TMPRSS9: variants seen among roughly 807,000 people sequenced by gnomAD.
TMPRSS9 encodes the protein transmembrane serine protease 9.
A neutral mutation model predicts 111.4 loss-of-function variants in TMPRSS9; 113 were observed. That is an observed-to-expected ratio of 1.01 (90% CI 0.87 to 1.19). TMPRSS9 has a LOEUF of 1.19. Ranked by LOEUF, TMPRSS9 falls within the 50% of genes most tolerant of loss-of-function variation. The probability of loss-of-function intolerance (pLI) is 0.00; values close to 1 mark genes in which losing one functional copy is unlikely to be tolerated. For synonymous variants in TMPRSS9, 805 were observed against 659.1 expected (o/e 1.22, Z -3.39); for missense variants, 1,803 against 1,513.1 (o/e 1.19, Z -3.18).
chr19:2,396,903 A>T (rs1378965088), intron 2 of TMPRSS9, among the ~76,000 whole-genome samples: 1 of 150,674 alleles, frequency 6.6e-6, no homozygotes, highest in East Asian at 1.9e-4. Flanking sequence ...ACTTTAGGCC[A>T]CATTTAGAGG....
chr19:2,404,338 G>A (rs538833822), intron 6 of TMPRSS9, among the ~76,000 whole-genome samples: 3 of 152,150 alleles, frequency 2.0e-5, no homozygotes, highest in Admixed American at 2.0e-4. Flanking sequence ...AAGGAGAGAA[G>A]CTGAAAGAGT....
chr19:2,413,452 C>T (rs994707550), intron 9 of TMPRSS9, among the ~76,000 whole-genome samples: 1 of 152,160 alleles, frequency 6.6e-6, no homozygotes, highest in South Asian at 2.1e-4. Context: ...ACGTTTTGGC[C>T]TGCCAGAGGT....
chr19:2,408,414 G>A (rs1382008974), exon 8 of TMPRSS9: 3 of 1,613,814 alleles, frequency 1.9e-6, no homozygotes, highest in South Asian at 2.2e-5. Flanking sequence ...CAGCGGCTCG[G>A]AGGCCAGCAC....
chr19:2,384,843 G>A (rs1297711594), upstream of TMPRSS9, among the ~76,000 whole-genome samples: 2 of 149,844 alleles, frequency 1.3e-5, no homozygotes, highest in Non-Finnish European at 3.0e-5. Context: ...TTAGCTGGGT[G>A]TGGTGGCATG....
upstream of TMPRSS9, among the ~76,000 whole-genome samples, chr19:2,385,256 A>AG (rs1188115762): frequency 2.1e-3 from 311 of 148,454 alleles, 2 homozygotes; most frequent in African/African-American, 7.0e-3. Flanking sequence ...TCCCAGGAGG[A>AG]GGGATCCCAG....
At chr19:2,378,484 C>T (rs1970356181) in intron 1 of TMPRSS9, among the ~76,000 whole-genome samples, 1 of 151,850 alleles carries the variant, frequency 6.6e-6, no homozygotes, top group Admixed American at 6.6e-5. Context: ...CTTTGGGAGG[C>T]CAAGGTGAGT....
At chr19:2,401,248 T>C (rs1270971703) in intron 4 of TMPRSS9, among the ~76,000 whole-genome samples, 3 of 151,878 alleles carry the variant, frequency 2.0e-5, no homozygotes, top group African/African-American at 4.8e-5. Flanking sequence ...CTCTCCAGCC[T>C]GGGCGACAGA....
chr19:2,399,355 G>A (rs1242610717), intron 4 of TMPRSS9, among the ~76,000 whole-genome samples, 162 bp downstream of exon 5: 4 of 152,148 alleles, frequency 2.6e-5, no homozygotes, highest in Non-Finnish European at 4.4e-5. Context: ...AGGCCGAGGC[G>A]GGTGGATCAC....
At chr19:2,369,353 G>A (rs1459784137) in intron 1 of TMPRSS9, among the ~76,000 whole-genome samples, 1 of 152,150 alleles carries the variant, frequency 6.6e-6, no homozygotes, top group Non-Finnish European at 1.5e-5. Flanking sequence ...GTGAAGAGGA[G>A]ACTGAGGAGG....
intron 10 of TMPRSS9, chr19:2,414,222 T>C (rs570821612): frequency 4.0e-5 from 22 of 545,738 alleles, no homozygotes; most frequent in Middle Eastern, 9.2e-4. Context: ...TTGTTAACTA[T>C]GGCGATCTAT....
rs1417214837 is a variant in TMPRSS9, at chr19:2,398,754, G to A, written c.271-41G>A. On this transcript the variant is annotated intron_variant, in intron 2 of 17. Transcript: ENST00000648592. ...GCCTCTGCAGTGCCAGGGTGCCCAT[G>A]CTGTGGGTCTCAACATTTGATATTC... 4.4e-6 allele frequency: 6 copies of A among 1,355,614 alleles called. No homozygotes were observed. In the African/African-American group the frequency reaches 5.8e-5, roughly 13 times the overall value. The allele number at this position is 1,355,614 out of a possible 1,614,324, so 84.0% of individuals were successfully genotyped here.
At chr19:2,383,143 C>A (rs542051262) in intron 1 of TMPRSS9, among the ~76,000 whole-genome samples, 8 of 152,252 alleles carry the variant, frequency 5.3e-5, no homozygotes, top group Non-Finnish European at 1.0e-4. Context: ...CACCTGAGAT[C>A]AGGAGTTCCA....
At chr19:2,399,174 T>C (rs1002296585) in exon 4 of TMPRSS9, 7 of 1,605,346 alleles carry the variant, frequency 4.4e-6, no homozygotes, top group Admixed American at 1.7e-5. Flanking sequence ...ATGGCACAAT[T>C]GTGTCGGCTG....
At chr19:2,401,753 G>A (rs897316864) in intron 4 of TMPRSS9, among the ~76,000 whole-genome samples, 4 of 151,392 alleles carry the variant, frequency 2.6e-5, no homozygotes, top group Non-Finnish European at 5.9e-5. Context: ...GATTACAGGC[G>A]CCCGGCACCA....
intron 9 of TMPRSS9, among the ~76,000 whole-genome samples, chr19:2,412,563 G>A (rs1971119396): frequency 6.6e-6 from 1 of 152,052 alleles, no homozygotes; most frequent in Non-Finnish European, 1.5e-5. Context: ...ATCCTTTGTG[G>A]TTGCCCAAAT....
intron 1 of TMPRSS9, among the ~76,000 whole-genome samples, chr19:2,394,837 A>C (rs1265514077): frequency 6.6e-6 from 1 of 152,072 alleles, no homozygotes; most frequent in Non-Finnish European, 1.5e-5. Flanking sequence ...ATTTTTGACC[A>C]AAACTCGTGC....
intron 14 of TMPRSS9, among the ~76,000 whole-genome samples, chr19:2,423,649 G>C (rs1255749843): frequency 6.6e-6 from 1 of 152,174 alleles, no homozygotes; most frequent in African/African-American, 2.4e-5. Context: ...CCACAGCTGG[G>C]TTCTGAGGAA....
At chr19:2,376,741 G>A (rs1970338044) in intron 1 of TMPRSS9, among the ~76,000 whole-genome samples, 1 of 152,162 alleles carries the variant, frequency 6.6e-6, no homozygotes, top group Admixed American at 6.6e-5. Context: ...ACAGGCATGA[G>A]TCGCTGTGTC....
intron 1 of TMPRSS9, among the ~76,000 whole-genome samples, chr19:2,376,332 C>T (rs1439122591): frequency 6.6e-6 from 1 of 152,176 alleles, no homozygotes; most frequent in African/African-American, 2.4e-5. Context: ...ATCTCCATGC[C>T]CTTCACTCAG....
Sources: allele counts gnomAD v4.1 joint callset (sites outside exome capture counted in the v4.1 genomes callset), GRCh38; gene constraint gnomAD v4.1.1; transcripts MANE v1.5; gene names NCBI Gene and HGNC (gene_info 2026-07-23, HGNC 2026-07-21).